ADGRB1: variants seen among roughly 807,000 people sequenced by gnomAD.
ADGRB1 encodes the protein adhesion G protein-coupled receptor B1.
ADGRB1 carries 36 observed loss-of-function variants against 175.7 expected under a neutral mutation model. That is an observed-to-expected ratio of 0.20 (90% CI 0.16 to 0.27). The LOEUF (loss-of-function observed/expected upper bound fraction) is 0.27. ADGRB1 is among the 10% of genes least tolerant of loss of function. ADGRB1 has a pLI of 1.00. For missense variants in ADGRB1, 1,731 were observed against 2,255.3 expected, an observed-to-expected ratio of 0.77 and a Z score of 4.71; for synonymous variants, 1,054 against 979.4, an observed-to-expected ratio of 1.08 and a Z score of -1.42.
At chr8:142,526,504 C>CCCCCCCCCCCCCCCCCCCCCCCCACACTG in intron 23 of ADGRB1, 38 bp from the exon 24 acceptor site, 1 of 786,194 alleles carries the variant, frequency 1.3e-6, no homozygotes, top group East Asian at 3.3e-5. Flanking sequence ...CCTACGGCGG[C>CCCCCCCCCCCCCCCCCCCCCCCCACACTG]CCCCACCCCC....
intron 11 of ADGRB1, among the ~76,000 whole-genome samples, chr8:142,483,413 C>G (rs1456146191): frequency 6.7e-6 from 1 of 149,092 alleles, no homozygotes; most frequent in African/African-American, 2.5e-5. Flanking sequence ...ACACTGGTCA[C>G]ATGCTGAGTC....
chr8:142,476,189 T>C (rs1358615611), intron 3 of ADGRB1, among the ~76,000 whole-genome samples: 1 of 152,208 alleles, frequency 6.6e-6, no homozygotes, highest in Non-Finnish European at 1.5e-5. Flanking sequence ...CTGTCATTGT[T>C]TGGGCTGTTT....
rs997718862 is a variant in ADGRB1, at chr8:142,464,165, A to G, written c.-34A>G. On this transcript the variant is annotated 5_prime_UTR_variant, in exon 2 of 31. Transcript: ENST00000517894. The stretch of plus-strand genomic sequence containing the variant: ...AGACCTGGTCCGCGCCTGCCTGCCC[A>G]GCCCGCGGAACCCCGGCGGCCCCGC... The G allele has an allele frequency of 2.7e-6, 3 of 1,103,838 alleles. No homozygotes were observed. The highest frequency in any genetic ancestry group is 3.3e-6 in the Non-Finnish European group (3 of 911,830). 68.4% of individuals were successfully genotyped at this position (1,103,838 alleles called of 1,614,324 possible).
intron 2 of ADGRB1, among the ~76,000 whole-genome samples, chr8:142,468,807 T>G (rs1178250330): frequency 6.6e-6 from 1 of 152,246 alleles, no homozygotes; most frequent in Non-Finnish European, 1.5e-5. Context: ...ATCCTGCCTC[T>G]GTCTCTGCAC....
chr8:142,480,522 G>A (rs1475678510), intron 9 of ADGRB1, among the ~76,000 whole-genome samples: 2 of 152,228 alleles, frequency 1.3e-5, no homozygotes, highest in African/African-American at 4.8e-5. Context: ...CTCGGTAGCA[G>A]ATTGCAAATG....
chr8:142,522,754 C>T, intron 22 of ADGRB1, 44 bp downstream of exon 22: 2 of 1,440,928 alleles, frequency 1.4e-6, no homozygotes, highest in East Asian at 2.8e-5. Flanking sequence ...CACATGGCCC[C>T]CCAGAGACTT....
intron 11 of ADGRB1, among the ~76,000 whole-genome samples, chr8:142,482,518 C>G (rs1841412979): frequency 6.8e-6 from 1 of 147,564 alleles, no homozygotes; most frequent in Admixed American, 6.7e-5. Context: ...TCACACTGAG[C>G]CCTGATCCTG....
chr8:142,526,509 A>ACCCCCCCCC, intron 23 of ADGRB1, 33 bp from the exon 24 acceptor site: 5 of 463,084 alleles, frequency 1.1e-5, no homozygotes, highest in South Asian at 3.3e-5. Flanking sequence ...GGCGGCCCCC[A>ACCCCCCCCC]CCCCCACACC....
At chr8:142,503,355 G>A (rs968425079) in intron 17 of ADGRB1, among the ~76,000 whole-genome samples, 3 of 152,086 alleles carry the variant, frequency 2.0e-5, no homozygotes, top group African/African-American at 7.2e-5. Context: ...AGCTCGTGGG[G>A]GTGCCCAGTG....
intron 14 of ADGRB1, among the ~76,000 whole-genome samples, 180 bp downstream of exon 14, chr8:142,488,687 A>C (rs1192160297): frequency 6.6e-6 from 1 of 152,172 alleles, no homozygotes; most frequent in Non-Finnish European, 1.5e-5. Flanking sequence ...ATCAACCCTG[A>C]GGCCCAGGCA....
At chr8:142,471,810 C>T (rs567894503) in intron 2 of ADGRB1, among the ~76,000 whole-genome samples, 145 of 152,330 alleles carry the variant, frequency 9.5e-4, no homozygotes, top group Non-Finnish European at 1.3e-3. Flanking sequence ...CCAGTAGGAG[C>T]GGCTGGCAGC....
chr8:142,513,537 C>T (rs2132057493), intron 18 of ADGRB1, among the ~76,000 whole-genome samples: 2 of 152,256 alleles, frequency 1.3e-5, no homozygotes, highest in South Asian at 4.2e-4. Flanking sequence ...CCTTTGTCCA[C>T]CGTGCCGATC....
chr8:142,456,760 C>T (rs915959898), intron 1 of ADGRB1, among the ~76,000 whole-genome samples: 4 of 152,248 alleles, frequency 2.6e-5, no homozygotes, highest in East Asian at 1.9e-4. Flanking sequence ...GCGGCCTGCC[C>T]GCCGTGGTGG....
In ADGRB1 at chr8:142,542,476, TCCGCCCCCA is replaced by T. The variant is rs1250128731; in HGVS notation, c.4248_4256del (p.Pro1420_Pro1422del). On this transcript the variant is annotated inframe_deletion, in exon 28 of 31. Transcript: ENST00000517894. This position sits in a 1 kb window ranked among gnomAD's most constrained non-coding sequence, Gnocchi z 6.3. ...CACCCCCTGCCCAGCCCCCACCGCCTCCGCCCCCACCGCCACCACCTCCCCAGCAGCCCC... is the reference window on the plus strand; with the variant it reads ...CACCCCCTGCCCAGCCCCCACCGCCTCCGCCACCACCTCCCCAGCAGCCCC... 6.9e-6 allele frequency: 4 copies of T among 578,448 alleles called. No individual in the cohort carries two copies. The highest frequency in any genetic ancestry group is 6.5e-6 in the Non-Finnish European group (3 of 459,312). 35.8% of individuals were successfully genotyped at this position (578,448 alleles called of 1,614,324 possible).
At chr8:142,481,123 T>G (rs1172338573) in intron 9 of ADGRB1, 131 bp from the exon 10 acceptor site, 1 of 771,684 alleles carries the variant, frequency 1.3e-6, no homozygotes, top group Admixed American at 2.1e-5. Context: ...GCTCTCGGCG[T>G]GAGGCCATGG....
At chr8:142,477,353 A>C (rs1472712460) in intron 5 of ADGRB1, 32 bp from the exon 6 acceptor site, 2 of 1,480,658 alleles carry the variant, frequency 1.4e-6, no homozygotes, top group East Asian at 2.2e-5. Context: ...CGGTGGCCGC[A>C]GTGGGCAGCA....
At chr8:142,488,075 G>T (rs1471969815) in intron 13 of ADGRB1, among the ~76,000 whole-genome samples, 1 of 152,126 alleles carries the variant, frequency 6.6e-6, no homozygotes, top group Non-Finnish European at 1.5e-5. Context: ...GGCCATGGAG[G>T]GTGGGAGGGG....
In ADGRB1 at chr8:142,465,037, C is replaced by T. The variant is rs149928488; in HGVS notation, c.784+55C>T. On this transcript the variant is annotated intron_variant, in intron 2 of 30. Transcript: ENST00000517894. ...AGGGGAGGTGGGCAGACAGGGGAGG[C>T]GGGCAGACAGGGGAGGCGGGCGGAT... The T allele has an allele frequency of 2.9e-3, 413 of 142,198 alleles. 4 individuals carry two copies. The highest frequency in any genetic ancestry group is 7.5e-3 in the Middle Eastern group (4 of 536). The allele number at this position is 142,198 out of a possible 1,614,324, so 8.8% of individuals were successfully genotyped here. A position where few individuals can be genotyped will look rare whatever the true frequency, so the allele number is the denominator to read the frequency against.
At chr8:142,496,736 A>G (rs1315129061) in intron 17 of ADGRB1, among the ~76,000 whole-genome samples, 4 of 152,160 alleles carry the variant, frequency 2.6e-5, no homozygotes, top group African/African-American at 9.7e-5. Flanking sequence ...GGATGTTAGT[A>G]CAAGCCGGGC....
Sources: allele counts gnomAD v4.1 joint callset (sites outside exome capture counted in the v4.1 genomes callset), GRCh38; gene constraint gnomAD v4.1.1; non-coding constraint Gnocchi (gnomAD v3.1); transcripts MANE v1.5; gene names NCBI Gene and HGNC (gene_info 2026-07-23, HGNC 2026-07-21).